Variants in RORA observed in about 807,000 individuals in gnomAD.
RORA encodes the protein RAR related orphan receptor A.
Under a neutral mutation model 69.5 loss-of-function variants are expected in RORA, and 7 were observed. The ratio of observed to expected loss-of-function variants is 0.10; its 90% CI spans 0.06 to 0.19. RORA has a LOEUF of 0.19. Ranked by LOEUF, RORA falls within the 10% of genes least tolerant of loss-of-function variation. The pLI, the probability that RORA is intolerant of heterozygous loss-of-function variation, is 1.00. For missense variants in RORA, 457 were observed against 663.0 expected (o/e 0.69, Z 3.41); for synonymous variants, 261 against 240.8 (o/e 1.08, Z -0.78).
intron 1 of RORA, among the ~76,000 whole-genome samples, chr15:61,162,874 T>C (rs986044377): frequency 5.3e-5 from 8 of 152,186 alleles, no homozygotes; most frequent in African/African-American, 1.9e-4. Context: ...AGGCCACTAT[T>C]ACTGGGGAAT....
chr15:61,054,839 T>TGCTCCCCCTCAC (rs2078070194), intron 1 of RORA, among the ~76,000 whole-genome samples: 1 of 151,132 alleles, frequency 6.6e-6, no homozygotes, highest in African/African-American at 2.4e-5. Context: ...TTTTTTTTTT[T>TGCTCCCCCTCAC]TGGTGGGGGA....
At chr15:60,634,388 C>G (rs1567135446) in intron 2 of RORA, among the ~76,000 whole-genome samples, 1 of 146,182 alleles carries the variant, frequency 6.8e-6, no homozygotes, top group Admixed American at 6.9e-5. Context: ...CTGAGAGAAG[C>G]AGTGCTACCA....
rs2066709350 is a variant in RORA at position 60,537,277 on chromosome 15, T to A, written c.197-5426A>T. Among the ~76,000 whole-genome samples, 1 of 152,190 alleles carries A rather than the reference T, an allele frequency of 6.6e-6. No homozygotes were observed. Among genetic ancestry groups the A allele is most frequent in the Admixed American group, 6.5e-5 (1 of 15,280 alleles). Reference sequence around the variant, plus strand: ...CTAAAGATGGTCATGCAGGTTGTGCTCTGCCCAGTGCGGCCTAGCTGAGGG... The same window carrying A: ...CTAAAGATGGTCATGCAGGTTGTGCACTGCCCAGTGCGGCCTAGCTGAGGG... On this transcript the variant is annotated intron_variant, in intron 2 of 10. Coordinates refer to ENST00000335670, the MANE Select transcript of RORA (RefSeq NM_134261.3). The surrounding 1 kb of genome is among the most constrained non-coding windows in gnomAD (Gnocchi z 4.9).
intron 1 of RORA, among the ~76,000 whole-genome samples, chr15:61,051,893 A>G (rs577915539): frequency 1.9e-4 from 29 of 152,184 alleles, no homozygotes; most frequent in African/African-American, 6.5e-4. Context: ...TACAACAGAC[A>G]CTTCCCCTCC....
intron 1 of RORA, among the ~76,000 whole-genome samples, chr15:61,105,886 C>CA (rs2078943941): frequency 6.6e-6 from 1 of 152,144 alleles, no homozygotes; most frequent in Non-Finnish European, 1.5e-5. Flanking sequence ...GTGAGACCAT[C>CA]AAAAACCTAT....
At chr15:60,627,144 G>C in intron 2 of RORA, 2 of 1,069,914 alleles carry the variant, frequency 1.9e-6, no homozygotes, top group East Asian at 2.5e-5. Context: ...TATTCTTGGA[G>C]AACTGACTTT....
At chr15:61,190,151 T>C (rs988092306) in intron 1 of RORA, among the ~76,000 whole-genome samples, 16 of 145,502 alleles carry the variant, frequency 1.1e-4, no homozygotes, top group Non-Finnish European at 1.6e-4. Flanking sequence ...TAAAAATTAC[T>C]TTTCTCCGTC....
chr15:61,099,618 A>C (rs923630661), intron 1 of RORA, among the ~76,000 whole-genome samples: 5 of 152,232 alleles, frequency 3.3e-5, no homozygotes, highest in African/African-American at 1.2e-4. Context: ...CACGCAACGC[A>C]TACCTCCTAC....
intron 1 of RORA, among the ~76,000 whole-genome samples, chr15:60,910,420 T>A (rs1045066229): frequency 5.9e-5 from 9 of 152,380 alleles, no homozygotes; most frequent in African/African-American, 2.2e-4. Flanking sequence ...GTAATAGCCA[T>A]CTGCGGTATC....
At chr15:60,719,939 G>A (rs1029866226) in intron 1 of RORA, among the ~76,000 whole-genome samples, 7 of 152,188 alleles carry the variant, frequency 4.6e-5, no homozygotes, top group Non-Finnish European at 1.0e-4. Flanking sequence ...CTACATTGCA[G>A]TGTTGCCTTT....
chr15:60,925,093 T>TAATAAAATA (rs1892169926), intron 1 of RORA, among the ~76,000 whole-genome samples: 1 of 139,980 alleles, frequency 7.1e-6, no homozygotes, highest in Non-Finnish European at 1.5e-5. Flanking sequence ...ATAAATAAAT[T>TAATAAAATA]AATAAAATAA....
intron 1 of RORA, among the ~76,000 whole-genome samples, chr15:61,175,662 A>G (rs1211980577): frequency 6.6e-6 from 1 of 151,514 alleles, no homozygotes; most frequent in Non-Finnish European, 1.5e-5. Context: ...GGCTGCAATG[A>G]GCCATAATTG....
chr15:61,029,736 G>C (rs1164365295), intron 1 of RORA, among the ~76,000 whole-genome samples: 6 of 152,188 alleles, frequency 3.9e-5, no homozygotes, highest in Non-Finnish European at 7.3e-5. Flanking sequence ...AAGATGGATA[G>C]TGGTGGCACC....
intron 1 of RORA, among the ~76,000 whole-genome samples, chr15:60,752,665 G>C (rs964052861): frequency 5.3e-5 from 7 of 132,964 alleles, no homozygotes; most frequent in African/African-American, 1.7e-4. Context: ...CAAGGGATTA[G>C]AGCGAAGTCG....
intron 1 of RORA, among the ~76,000 whole-genome samples, chr15:60,914,669 T>C (rs1388425757): frequency 6.6e-6 from 1 of 152,178 alleles, no homozygotes; most frequent in Non-Finnish European, 1.5e-5. Context: ...CGGAATAAAT[T>C]TTCTATTGAA....
At chr15:61,001,954 G>A (rs1488954545) in intron 1 of RORA, among the ~76,000 whole-genome samples, 2 of 152,238 alleles carry the variant, frequency 1.3e-5, no homozygotes, top group East Asian at 3.8e-4. Flanking sequence ...GTCCTAGAGT[G>A]GAGACAGCCA....
At chr15:61,059,744 C>G (rs901645632) in intron 1 of RORA, among the ~76,000 whole-genome samples, 1 of 151,904 alleles carries the variant, frequency 6.6e-6, no homozygotes, top group African/African-American at 2.4e-5. Flanking sequence ...GGGAAAAGGA[C>G]AGATGGTATC....
intron 1 of RORA, among the ~76,000 whole-genome samples, chr15:61,054,392 T>C (rs1662698065): frequency 6.6e-6 from 1 of 152,146 alleles, no homozygotes. Context: ...ACTCTTCTTC[T>C]TAAATGTCTC....
intron 1 of RORA, among the ~76,000 whole-genome samples, chr15:61,225,562 C>T (rs900823931): frequency 6.6e-5 from 10 of 152,140 alleles, no homozygotes; most frequent in South Asian, 2.1e-4. Context: ...CCCAACTGAG[C>T]TTTTCACTGT....
Sources: allele counts gnomAD v4.1 joint callset (sites outside exome capture counted in the v4.1 genomes callset), GRCh38; gene constraint gnomAD v4.1.1; non-coding constraint Gnocchi (gnomAD v3.1); transcripts MANE v1.5; gene names NCBI Gene and HGNC (gene_info 2026-07-23, HGNC 2026-07-21).